PTN: variants seen among roughly 807,000 people sequenced by gnomAD.
PTN encodes pleiotrophin, also known as heparin affin regulatory protein.
PTN carries 18 observed loss-of-function variants against 24.1 expected under a neutral mutation model. The ratio of observed to expected loss-of-function variants is 0.75; its 90% CI spans 0.52 to 1.11. PTN has a LOEUF of 1.11. PTN is among the 50% of genes least tolerant of loss of function. PTN has a pLI of 0.00. For synonymous variants in PTN, 78 were observed against 68.6 expected (o/e 1.14, Z -0.67); for missense variants, 163 against 198.8 (o/e 0.82, Z 1.08).
chr7:137,339,475 C>T (rs529790715), intron 1 of PTN, among the ~76,000 whole-genome samples: 6 of 148,946 alleles, frequency 4.0e-5, no homozygotes, highest in South Asian at 4.3e-4. Context: ...ACTCCAGCTG[C>T]GCCTCTACAT....
intron 1 of PTN, among the ~76,000 whole-genome samples, chr7:137,319,019 C>T (rs1243281777): frequency 3.3e-5 from 5 of 152,078 alleles, no homozygotes; most frequent in African/African-American, 1.2e-4. Flanking sequence ...TTTTCTGATC[C>T]ATCTATCTTT....
chr7:137,275,461 A>G (rs1008986932), intron 1 of PTN, among the ~76,000 whole-genome samples: 1 of 152,212 alleles, frequency 6.6e-6, no homozygotes, highest in African/African-American at 2.4e-5. Context: ...ATTACATGTG[A>G]TATTAGAAAC....
At chr7:137,261,902 T>C (rs1184754721) in intron 1 of PTN, among the ~76,000 whole-genome samples, 1 of 152,338 alleles carries the variant, frequency 6.6e-6, no homozygotes, top group African/African-American at 2.4e-5. Flanking sequence ...GGAGATCTTA[T>C]GATTTATACT....
At chr7:137,271,473 G>A (rs1393644140) in intron 1 of PTN, among the ~76,000 whole-genome samples, 1 of 152,118 alleles carries the variant, frequency 6.6e-6, no homozygotes, top group Non-Finnish European at 1.5e-5. Context: ...GAAGCACACA[G>A]GCGTAAGAAA....
At chr7:137,327,471 T>C (rs1041509540) in intron 1 of PTN, among the ~76,000 whole-genome samples, 6 of 152,096 alleles carry the variant, frequency 3.9e-5, no homozygotes, top group African/African-American at 1.4e-4. Context: ...TCTTCATGTG[T>C]TACCTGGGAT....
intron 1 of PTN, among the ~76,000 whole-genome samples, chr7:137,283,855 T>A (rs936701856): frequency 1.3e-5 from 2 of 149,046 alleles, no homozygotes; most frequent in South Asian, 4.3e-4. Context: ...ATTTTCACCA[T>A]CCTCCTCCCT....
chr7:137,248,203 T>C (rs1476525805), intron 4 of PTN, among the ~76,000 whole-genome samples: 1 of 152,220 alleles, frequency 6.6e-6, no homozygotes, highest in East Asian at 1.9e-4. Flanking sequence ...GGAAAAGCTA[T>C]AATATCTATC....
intron 1 of PTN, among the ~76,000 whole-genome samples, chr7:137,303,863 G>C (rs1331367964): frequency 6.6e-6 from 1 of 152,014 alleles, no homozygotes; most frequent in African/African-American, 2.4e-5. Context: ...AGCCTCTTCA[G>C]TGCTGGTCTT....
At chr7:137,243,989 C>T (rs1808679031) in intron 4 of PTN, among the ~76,000 whole-genome samples, 1 of 152,230 alleles carries the variant, frequency 6.6e-6, no homozygotes, top group African/African-American at 2.4e-5. Context: ...CTATATAATA[C>T]CCTTGAATAG....
At chr7:137,292,538 G>A (rs1585032271) in intron 1 of PTN, among the ~76,000 whole-genome samples, 1 of 152,108 alleles carries the variant, frequency 6.6e-6, no homozygotes, top group African/African-American at 2.4e-5. Flanking sequence ...TGCCATAATT[G>A]TGAGGCCTCT....
chr7:137,340,741 A>T (rs1810520517), intron 1 of PTN, among the ~76,000 whole-genome samples: 1 of 152,214 alleles, frequency 6.6e-6, no homozygotes. Context: ...TAGCAAAGCT[A>T]TGGAACAAAG....
chr7:137,244,927 C>T (rs186635971), intron 4 of PTN, among the ~76,000 whole-genome samples: 2 of 152,094 alleles, frequency 1.3e-5, no homozygotes, highest in Admixed American at 6.5e-5. Flanking sequence ...TAGCAACTCT[C>T]GATATTAAGC....
chr7:137,334,504 C>T (rs1810413945), intron 1 of PTN, among the ~76,000 whole-genome samples: 1 of 107,780 alleles, frequency 9.3e-6, no homozygotes, highest in Non-Finnish European at 2.0e-5. Flanking sequence ...TACCATCTCA[C>T]ACCAGTTAGA....
intron 4 of PTN, among the ~76,000 whole-genome samples, chr7:137,244,517 C>T (rs955033831): frequency 6.6e-6 from 1 of 151,676 alleles, no homozygotes; most frequent in Non-Finnish European, 1.5e-5. Context: ...TCTCCTAATG[C>T]TATCCCTCCC....
intron 1 of PTN, among the ~76,000 whole-genome samples, chr7:137,333,597 T>G (rs1810396661): frequency 6.6e-6 from 1 of 152,158 alleles, no homozygotes; most frequent in Non-Finnish European, 1.5e-5. Flanking sequence ...CGTTAAAATG[T>G]GAAAGAAGGG....
At chr7:137,263,152 T>G (rs1037343893) in intron 1 of PTN, among the ~76,000 whole-genome samples, 5 of 152,206 alleles carry the variant, frequency 3.3e-5, no homozygotes, top group Non-Finnish European at 7.3e-5. Context: ...AAGCTTTTTA[T>G]CATTTGAAGA....
intron 4 of PTN, among the ~76,000 whole-genome samples, chr7:137,249,097 C>T (rs1289677123): frequency 1.3e-5 from 2 of 151,834 alleles, no homozygotes; most frequent in Non-Finnish European, 2.9e-5. Context: ...TCCTAAATAT[C>T]GTTTAGGGTT....
intron 1 of PTN, among the ~76,000 whole-genome samples, chr7:137,319,423 G>A (rs1018195085): frequency 1.1e-4 from 17 of 152,098 alleles, no homozygotes; most frequent in African/African-American, 1.7e-4. Flanking sequence ...CCCACAACCC[G>A]AGAGTTCTTT....
chr7:137,302,712 T>C (rs533589935), intron 1 of PTN, among the ~76,000 whole-genome samples: 3 of 152,132 alleles, frequency 2.0e-5, no homozygotes, highest in Non-Finnish European at 4.4e-5. Flanking sequence ...CTCCATCTTA[T>C]ACTTACCTGC....
Sources: gnomAD v4.1 joint callset for allele counts (sites outside exome capture counted in the v4.1 genomes callset) on GRCh38, gnomAD v4.1.1 for gene constraint, MANE v1.5 for transcripts, NCBI Gene and HGNC (gene_info 2026-07-23, HGNC 2026-07-21) for gene names.